Variants in NOTCH1 observed in about 807,000 individuals in gnomAD.
NOTCH1 encodes the protein notch receptor 1, also known as neurogenic locus notch homolog protein 1.
In NOTCH1, 37 loss-of-function variants were observed where a neutral mutation model predicts 254.8. That is an observed-to-expected ratio of 0.15 (90% CI 0.11 to 0.19). NOTCH1 has a LOEUF of 0.19. NOTCH1 is among the 10% of genes least tolerant of loss of function. The probability of loss-of-function intolerance (pLI) is 1.00; values close to 1 mark genes in which losing one functional copy is unlikely to be tolerated. For synonymous variants in NOTCH1, 1,731 were observed against 1,618.1 expected, an observed-to-expected ratio of 1.07 and a Z score of -1.68; for missense variants, 2,972 against 3,708.6, an observed-to-expected ratio of 0.80 and a Z score of 5.16.
rs757811287 is a variant in NOTCH1, at chr9:136,519,555, G to C, written c.753C>G (p.Gly251=). ...CGTCGATATTTTCCTCACAGTTCTGGCCGGTGAAGCCTGCCGCAAGAGGGG... is the reference window on the plus strand; with the variant it reads ...CGTCGATATTTTCCTCACAGTTCTGCCCGGTGAAGCCTGCCGCAAGAGGGG... ...HECACLPGFT[G]QNCEENIDDC... is the part of the protein sequence containing the mutation. Residue 251 remains glycine (G), a synonymous_variant, in exon 5 of 34, where the codon GGC becomes GGG. Coordinates refer to ENST00000651671, the MANE Select transcript of NOTCH1 (RefSeq NM_017617.5). 3.7e-6 allele frequency: 6 copies of C among 1,612,818 alleles called. No homozygotes were observed. The Admixed American group carries it at 1.0e-4, about 27-fold the overall frequency.
chr9:136,515,625 G>A lies in NOTCH1; in HGVS notation c.1761C>T (p.Phe587=), dbSNP rs1176092277. The part of the protein sequence containing the change: ...YGSCKDGVAT[F]TCLCRPGYTG... ...TGTAGCCTGGGCGGCAGAGGCAGGT[G>A]AAGGTGGCGACGCCGTCCTTGCAGG... Residue 587 remains phenylalanine (F), a synonymous_variant, in exon 11 of 34, where the codon TTC becomes TTT. Transcript: ENST00000651671. 1.2e-6 allele frequency: 2 copies of A among 1,604,836 alleles called. No individual in the cohort carries two copies. The highest frequency in any genetic ancestry group is 1.3e-5 in the African/African-American group (1 of 74,830).
At position 136,510,063 on chromosome 9, in the gene NOTCH1, T is replaced by C. The variant is rs1843154467; in HGVS notation, c.2741-102A>G. 3 of 1,146,346 alleles carry C rather than the reference T, an allele frequency of 2.6e-6. No individual in the cohort carries two copies. The African/African-American group carries it at 4.6e-5, about 17-fold the overall frequency. 71.0% of individuals were successfully genotyped at this position (1,146,346 alleles called of 1,614,324 possible). A position where few individuals can be genotyped will look rare whatever the true frequency, so the allele number is the denominator to read the frequency against. On this transcript the variant is annotated intron_variant, in intron 17 of 33. Transcript: ENST00000651671. ...TGGCTGGGGACAGCCCAGCCTTTCG[T>C]TGCCGAGGCTGCGGCAAGCAGCCCT...
In NOTCH1 at chr9:136,514,511, C is replaced by T. The variant is rs201662530; in HGVS notation, c.2206G>A (p.Gly736Arg). 4.4e-5 allele frequency: 69 copies of T among 1,576,476 alleles called. No individual in the cohort carries two copies. Among genetic ancestry groups the T allele is most frequent in the African/African-American group, 2.8e-4 (21 of 74,646 alleles). ...VHGACRDSLN[G>R]YKCDCDPGWS... ...CCCATGATCGGCCCCGCCGCATACC[C>T]GTTGAGGCTGTCCCGGCAGGCCCCG... Residue 736 changes from glycine (G) to arginine (R), a missense_variant and splice_region_variant, in exon 13 of 34, where the codon GGG (glycine) becomes AGG (arginine). Around this residue, in one of 8 missense-constraint regions of NOTCH1, gnomAD observed 1,343 missense variants for 1,557.0 expected, o/e 0.86. Coordinates refer to ENST00000651671, the MANE Select transcript of NOTCH1 (RefSeq NM_017617.5).
rs201053629 is a variant in NOTCH1 at position 136,519,613 on chromosome 9, G to A, written c.743-48C>T. The A allele has an allele frequency of 1.4e-3, 2,223 of 1,611,682 alleles. 2 individuals are homozygous for A. Among genetic ancestry groups the A allele is most frequent in the Non-Finnish European group, 1.7e-3 (2,050 of 1,179,570 alleles). Reference sequence around the variant, plus strand: ...AGCCTCTTCCCTGAGGTCCAGTCCGGCTCCTGCCTGGACCCCCGACACACT... The same window carrying A: ...AGCCTCTTCCCTGAGGTCCAGTCCGACTCCTGCCTGGACCCCCGACACACT... On this transcript the variant is annotated intron_variant, in intron 4 of 33. Transcript: ENST00000651671.
At chr9:136,529,700 C>T (rs929734044) in intron 2 of NOTCH1, among the ~76,000 whole-genome samples, 7 of 152,252 alleles carry the variant, frequency 4.6e-5, no homozygotes, top group Admixed American at 1.3e-4. Flanking sequence ...GGAGCCTCTG[C>T]GGTGGCTAGG....
At chr9:136,505,968 C>A in intron 24 of NOTCH1, 87 bp from the exon 25 acceptor site, 2 of 1,200,584 alleles carry the variant, frequency 1.7e-6, no homozygotes, top group South Asian at 2.8e-5. Context: ...GCCAGCAGTG[C>A]CACCGCTCTC....
intron 4 of NOTCH1, 141 bp from the exon 5 acceptor site, chr9:136,519,706 T>C (rs1843336908): frequency 8.3e-7 from 1 of 1,200,182 alleles, no homozygotes; most frequent in Non-Finnish European, 1.2e-6. Context: ...GCCCGTCCCC[T>C]GCCTCACTCC....
At position 136,515,404 on chromosome 9, in the gene NOTCH1, A is replaced by G. The variant is rs552137707; in HGVS notation, c.1904-4T>C. On this transcript the variant is annotated splice_polypyrimidine_tract_variant and splice_region_variant and intron_variant, in intron 11 of 33. Transcript: ENST00000651671. Reference sequence around the variant, plus strand: ...AGGTTGATCTCGCAGTTGGGTCCTGAAGGGGTGGCACGTGTCGGTCAGTCC... The same window carrying G: ...AGGTTGATCTCGCAGTTGGGTCCTGGAGGGGTGGCACGTGTCGGTCAGTCC... 5 of 1,612,720 alleles carry G rather than the reference A, an allele frequency of 3.1e-6. No individual in the cohort carries two copies. In the East Asian group the frequency reaches 8.9e-5, roughly 29 times the overall value.
chr9:136,545,833 C>G lies in NOTCH1; in HGVS notation c.-47G>C. The G allele has an allele frequency of 8.9e-7, 1 of 1,123,314 alleles. No homozygotes were observed. The highest frequency in any genetic ancestry group is 1.1e-6 in the Non-Finnish European group (1 of 898,670). 69.6% of individuals were successfully genotyped at this position (1,123,314 alleles called of 1,614,324 possible). A position where few individuals can be genotyped will look rare whatever the true frequency, so the allele number is the denominator to read the frequency against. On this transcript the variant is annotated 5_prime_UTR_variant, in exon 1 of 34. Coordinates refer to ENST00000651671, the MANE Select transcript of NOTCH1 (RefSeq NM_017617.5). The surrounding 1 kb of genome is among the most constrained non-coding windows in gnomAD (Gnocchi z 6.8). ...TGCGCCCGGGCGGCGGCCTCCTGCG[C>G]TGGCCGGCGGGGCTGGGACGCACAC... is the stretch of plus-strand genomic sequence containing the variant.
chr9:136,526,271 G>A (rs1290038802), intron 2 of NOTCH1, among the ~76,000 whole-genome samples: 5 of 152,230 alleles, frequency 3.3e-5, no homozygotes, highest in Non-Finnish European at 5.9e-5. Context: ...CAGGAGGGGC[G>A]CCCTCCCTCC....
In NOTCH1 at chr9:136,510,808, G is replaced by T; in HGVS notation, c.2588-3C>A. 1 of 1,608,908 alleles carries T rather than the reference G, an allele frequency of 6.2e-7. No homozygotes were observed. ...GATGTCGACCTCACAGGTCTGCCCT[G>T]CGGGGCAGGAGGAGGCCGGTTGGTC... On this transcript the variant is annotated splice_region_variant and splice_polypyrimidine_tract_variant and intron_variant, in intron 16 of 33. Coordinates refer to ENST00000651671, the MANE Select transcript of NOTCH1 (RefSeq NM_017617.5).
At chr9:136,536,931 C>T (rs1030046634) in intron 2 of NOTCH1, among the ~76,000 whole-genome samples, 5 of 152,232 alleles carry the variant, frequency 3.3e-5, no homozygotes, top group East Asian at 3.9e-4. Flanking sequence ...GCTCAGTGAC[C>T]GCGGCCCCAC....
Position 136,545,508 on chromosome 9 carries a change from C to T in NOTCH1, c.61+218G>A, listed in dbSNP as rs1393306663. Among the ~76,000 whole-genome samples the T allele has an allele frequency of 1.3e-5, 2 of 151,984 alleles. No individual in the cohort carries two copies. Among genetic ancestry groups the T allele is most frequent in the Non-Finnish European group, 2.9e-5 (2 of 67,958 alleles). ...CGGCCTCCTAACTCGGCTCCAGGCA[C>T]GGGCGGCGCGAGTCCGCCTCCACGG... On this transcript the variant is annotated intron_variant, in intron 1 of 33. Transcript: ENST00000651671. The surrounding 1 kb of genome is among the most constrained non-coding windows in gnomAD (Gnocchi z 6.8).
At chr9:136,503,390 C>T (rs1843031495) in intron 26 of NOTCH1, 60 bp from the exon 27 acceptor site, 1 of 1,609,900 alleles carries the variant, frequency 6.2e-7, no homozygotes, top group South Asian at 1.1e-5. Flanking sequence ...CGCCCACCGG[C>T]CAGGGATGCT....
chr9:136,521,861 G>T (rs1329884394), intron 4 of NOTCH1, among the ~76,000 whole-genome samples: 1 of 152,098 alleles, frequency 6.6e-6, no homozygotes, highest in East Asian at 1.9e-4. Context: ...CCACCCGTGG[G>T]TCAGCCAGGA....
chr9:136,513,542 A>G lies in NOTCH1; in HGVS notation c.2208-5T>C. 1 of 1,612,852 alleles carries G rather than the reference A, an allele frequency of 6.2e-7. No individual in the cohort carries two copies. ...GGGTCACAGTCGCACTTGTACCTGCAAGGGGGACCACACTGCAGGTCGAGG... is the reference window on the plus strand; with the variant it reads ...GGGTCACAGTCGCACTTGTACCTGCGAGGGGGACCACACTGCAGGTCGAGG... On this transcript the variant is annotated splice_polypyrimidine_tract_variant and splice_region_variant and intron_variant, in intron 13 of 33. Coordinates refer to ENST00000651671, the MANE Select transcript of NOTCH1 (RefSeq NM_017617.5). The surrounding 1 kb of genome is among the most constrained non-coding windows in gnomAD (Gnocchi z 4.7).
chr9:136,497,403 C>A lies in NOTCH1; in HGVS notation c.6336G>T (p.Leu2112=), dbSNP rs2133319043. The part of the protein sequence containing the change: ...QERMHHDIVR[L]LDEYNLVRSP... ...TGCGCACCAGGTTGTACTCGTCCAG[C>A]AGCCTCACGATGTCGTGATGCATGC... The change falls in exon 34 of 34, where the codon CTG becomes CTT. Residue 2112 remains leucine (L), a synonymous_variant. Coordinates refer to ENST00000651671, the MANE Select transcript of NOTCH1 (RefSeq NM_017617.5). 6.2e-7 allele frequency: 1 copy of A among 1,611,058 alleles called. No individual in the cohort carries two copies. The highest frequency in any genetic ancestry group is 8.5e-7 in the Non-Finnish European group (1 of 1,179,886).
rs780810308 is a variant in NOTCH1 at position 136,515,302 on chromosome 9, G to C, written c.2002C>G (p.Pro668Ala). The C allele has an allele frequency of 1.8e-5, 29 of 1,612,578 alleles. No individual in the cohort carries two copies. Among genetic ancestry groups the C allele is most frequent in the Non-Finnish European group, 2.5e-5 (29 of 1,179,852 alleles). ...CAGGGCCGCTCACCTGTGTAGCCCG[G>C]CTCACAGGCACACTCGTAGCCATCG... ...KIDGYECACE[P>A]GYTGSMCNIN... is the part of the protein sequence containing the mutation. Residue 668 changes from proline (P) to alanine (A), a missense_variant, in exon 12 of 34, where the codon CCG becomes GCG. Physicochemically the swap from Pro to Ala is conservative, Grantham distance 27 (BLOSUM62 -1). This residue lies in a region of NOTCH1 where 1,343 missense variants were observed against 1,557.0 expected (regional missense o/e 0.86). Transcript: ENST00000651671.
intron 2 of NOTCH1, among the ~76,000 whole-genome samples, chr9:136,526,941 T>C (rs745492219): frequency 2.0e-5 from 3 of 152,050 alleles, no homozygotes; most frequent in Admixed American, 1.3e-4. Flanking sequence ...AGAGGGCCCA[T>C]TGTCCGCCCC....
Sources: gnomAD v4.1 joint callset for allele counts (sites outside exome capture counted in the v4.1 genomes callset) on GRCh38, gnomAD v4.1.1 for gene constraint, gnomAD v4.1.1 regional missense constraint, Gnocchi (gnomAD v3.1) non-coding constraint, MANE v1.5 for transcripts, NCBI Gene and HGNC (gene_info 2026-07-23, HGNC 2026-07-21) for gene names.